RAB22A: variants seen among roughly 807,000 people sequenced by gnomAD.
RAB22A encodes ras-related protein Rab-22A.
In RAB22A, 13 loss-of-function variants were observed where a neutral mutation model predicts 30.2. That is an observed-to-expected ratio of 0.43 (90% confidence interval 0.28 to 0.68). The LOEUF is 0.68. RAB22A is among the 30% of genes least tolerant of loss of function. The pLI is 0.18. For missense variants in RAB22A, 177 were observed against 246.8 expected, an observed-to-expected ratio of 0.72 and a Z score of 1.89; for synonymous variants, 89 against 87.2, an observed-to-expected ratio of 1.02 and a Z score of -0.11.
At position 58,309,917 on chromosome 20, in the gene RAB22A, C is replaced by T. The variant is rs529564757; in HGVS notation, c.-60C>T. 1,007 of 1,249,886 alleles carry T rather than the reference C, an allele frequency of 8.1e-4. No homozygotes were observed. The highest frequency in any genetic ancestry group is 9.7e-4 in the Non-Finnish European group (958 of 988,210). 77.4% of individuals were successfully genotyped at this position (1,249,886 alleles called of 1,614,324 possible). On this transcript the variant is annotated 5_prime_UTR_variant, in exon 1 of 7. Transcript: ENST00000244040. ...GGCGCCAGGGGATGCTCTTGCTGGG[C>T]CTGGCCTCTCCCTTCTCAACTTAGG... is the stretch of plus-strand genomic sequence containing the variant.
chr20:58,313,382 C>T (rs1346804704), intron 2 of RAB22A, among the ~76,000 whole-genome samples: 1 of 152,090 alleles, frequency 6.6e-6, no homozygotes, highest in African/African-American at 2.4e-5. Context: ...TTGTGACCAA[C>T]CCCAAACATG....
Position 58,366,286 on chromosome 20 carries a change from A to G in RAB22A, c.*6583A>G, listed in dbSNP as rs1039526982. The G allele has an allele frequency of 1.3e-5, 2 of 152,142 alleles. No homozygotes were observed. The highest frequency in any genetic ancestry group is 2.9e-5 in the Non-Finnish European group (2 of 68,032). 9.4% of individuals were successfully genotyped at this position (152,142 alleles called of 1,614,324 possible). The stretch of plus-strand genomic sequence containing the variant: ...GCAACAGGGACTGCTCACCCCCTCC[A>G]GCTGGGGCTTTTCTAACAAGCACAG... On this transcript the variant is annotated 3_prime_UTR_variant, in exon 7 of 7. Transcript: ENST00000244040.
chr20:58,340,684 G>C (rs1188042165), intron 2 of RAB22A, among the ~76,000 whole-genome samples: 1 of 152,202 alleles, frequency 6.6e-6, no homozygotes, highest in Non-Finnish European at 1.5e-5. Flanking sequence ...GGGTAAGTCA[G>C]ACATTGAACA....
intron 2 of RAB22A, among the ~76,000 whole-genome samples, chr20:58,316,345 TC>T (rs777763959): frequency 3.3e-5 from 5 of 152,122 alleles, no homozygotes; most frequent in Non-Finnish European, 7.4e-5. Context: ...CCTTTGTATG[TC>T]CAGATCCCAG....
intron 3 of RAB22A, among the ~76,000 whole-genome samples, chr20:58,346,418 T>A (rs1986947956): frequency 6.6e-6 from 1 of 152,188 alleles, no homozygotes; most frequent in African/African-American, 2.4e-5. Flanking sequence ...TCTCAGGGCC[T>A]CCAGCACTCC....
In RAB22A at chr20:58,361,963, T is replaced by G. The variant is rs926527276; in HGVS notation, c.*2260T>G. The G allele has an allele frequency of 6.6e-6, 1 of 152,150 alleles. No individual in the cohort carries two copies. Among genetic ancestry groups the G allele is most frequent in the Non-Finnish European group, 1.5e-5 (1 of 68,020 alleles). 9.4% of individuals were successfully genotyped at this position (152,150 alleles called of 1,614,324 possible). On this transcript the variant is annotated 3_prime_UTR_variant, in exon 7 of 7. Coordinates refer to ENST00000244040, the MANE Select transcript of RAB22A (RefSeq NM_020673.3). ...GTACCGAGCCCAATGTGGGTCCATC[T>G]CATCAGCCCTTTGCTGATTTCATGA... is the stretch of plus-strand genomic sequence containing the variant.
rs1987252597 is a variant in RAB22A at position 58,362,976 on chromosome 20, C to T, written c.*3273C>T. 2 of 152,182 alleles carry T rather than the reference C, an allele frequency of 1.3e-5. No individual in the cohort carries two copies. Among genetic ancestry groups the T allele is most frequent in the South Asian group, 2.1e-4 (1 of 4,832 alleles). 9.4% of individuals were successfully genotyped at this position (152,182 alleles called of 1,614,324 possible). A position where few individuals can be genotyped will look rare whatever the true frequency, so the allele number is the denominator to read the frequency against. ...AAGGAAACCAACTTTAATTTCAGAA[C>T]TTCTCTTTACGTCTTGTATGTATTT... On this transcript the variant is annotated 3_prime_UTR_variant, in exon 7 of 7. Coordinates refer to ENST00000244040, the MANE Select transcript of RAB22A (RefSeq NM_020673.3).
intron 2 of RAB22A, among the ~76,000 whole-genome samples, chr20:58,319,033 A>G (rs919173013): frequency 7.9e-5 from 12 of 152,224 alleles, no homozygotes; most frequent in African/African-American, 2.9e-4. Context: ...ATTAAATTTT[A>G]AAAGGTTATT....
At chr20:58,314,764 G>C (rs472199) in intron 2 of RAB22A, among the ~76,000 whole-genome samples, 80,613 of 151,720 alleles carry the variant, frequency 0.53, 22,764 homozygotes, top group African/African-American at 0.72. Flanking sequence ...TTGCTTAAAC[G>C]CGGGAGGCGG....
intron 1 of RAB22A, 55 bp downstream of exon 1, chr20:58,310,067 C>T: frequency 1.6e-6 from 2 of 1,245,132 alleles, no homozygotes; most frequent in Non-Finnish European, 2.0e-6. Flanking sequence ...CTGGCGGGGA[C>T]CCCGGATCCC....
At position 58,364,073 on chromosome 20, in the gene RAB22A, G is replaced by T. The variant is rs914818158; in HGVS notation, c.*4370G>T. The stretch of plus-strand genomic sequence containing the variant: ...TTCTGGGGCATTTGTCCTGTTTTAT[G>T]TGCAAATGAAAGTCTAAAAAATATG... On this transcript the variant is annotated 3_prime_UTR_variant, in exon 7 of 7. Coordinates refer to ENST00000244040, the MANE Select transcript of RAB22A (RefSeq NM_020673.3). 50 of 152,596 alleles carry T rather than the reference G, an allele frequency of 3.3e-4. No individual in the cohort carries two copies. The highest frequency in any genetic ancestry group is 1.3e-4 in the Admixed American group (2 of 15,284). 9.5% of individuals were successfully genotyped at this position (152,596 alleles called of 1,614,324 possible). A position where few individuals can be genotyped will look rare whatever the true frequency, so the allele number is the denominator to read the frequency against.
At chr20:58,342,049 G>A (rs113334134) in intron 2 of RAB22A, among the ~76,000 whole-genome samples, 90 of 152,284 alleles carry the variant, frequency 5.9e-4, no homozygotes, top group Middle Eastern at 3.4e-3. Context: ...ACCTTGTATA[G>A]ATACAGTGCT....
At chr20:58,333,834 AAT>A (rs1304003260) in intron 2 of RAB22A, among the ~76,000 whole-genome samples, 1 of 152,172 alleles carries the variant, frequency 6.6e-6, no homozygotes, top group Non-Finnish European at 1.5e-5. Context: ...TTAAGGGATG[AAT>A]GCTGGAGGCC....
At chr20:58,332,757 C>T (rs552512180) in intron 2 of RAB22A, among the ~76,000 whole-genome samples, 4 of 151,994 alleles carry the variant, frequency 2.6e-5, no homozygotes, top group Admixed American at 2.6e-4. Flanking sequence ...ATAATTTCTG[C>T]AAACTCGTCA....
At chr20:58,353,003 A>G (rs1365758510) in intron 3 of RAB22A, among the ~76,000 whole-genome samples, 1 of 152,236 alleles carries the variant, frequency 6.6e-6, no homozygotes, top group Non-Finnish European at 1.5e-5. Context: ...TTCAATTAAA[A>G]AGCCTTTTTA....
intron 3 of RAB22A, 145 bp downstream of exon 3, chr20:58,343,944 T>A: frequency 1.4e-6 from 1 of 690,234 alleles, no homozygotes; most frequent in Non-Finnish European, 2.4e-6. Context: ...AGGCCAGCCT[T>A]TGCCTTTGCC....
chr20:58,362,509 T>C lies in RAB22A; in HGVS notation c.*2806T>C, dbSNP rs918815411. On this transcript the variant is annotated 3_prime_UTR_variant, in exon 7 of 7. Transcript: ENST00000244040. ...AGGACTGAACAGAAGAGAAAAATTA[T>C]TAATTAGCTGCTACTGTATGTTGAT... is the stretch of plus-strand genomic sequence containing the variant. The C allele has an allele frequency of 6.6e-6, 1 of 152,238 alleles. No homozygotes were observed. The highest frequency in any genetic ancestry group is 2.4e-5 in the African/African-American group (1 of 41,458). 9.4% of individuals were successfully genotyped at this position (152,238 alleles called of 1,614,324 possible).
intron 2 of RAB22A, 123 bp downstream of exon 2, chr20:58,311,245 C>A: frequency 1.1e-6 from 1 of 926,778 alleles, no homozygotes; most frequent in South Asian, 1.4e-5. Flanking sequence ...TGGTTCGCAT[C>A]ATCTCTGGAA....
intron 2 of RAB22A, among the ~76,000 whole-genome samples, chr20:58,335,180 G>A (rs943720329): frequency 2.0e-5 from 3 of 152,168 alleles, no homozygotes; most frequent in African/African-American, 7.2e-5. Flanking sequence ...GAAATCCAAG[G>A]ACAGTTAACC....
Sources: allele counts gnomAD v4.1 joint callset (sites outside exome capture counted in the v4.1 genomes callset), GRCh38; gene constraint gnomAD v4.1.1; transcripts MANE v1.5; gene names NCBI Gene and HGNC (gene_info 2026-07-23, HGNC 2026-07-21).